COL28A1: variants seen among roughly 807,000 people sequenced by gnomAD.
COL28A1 encodes the protein collagen type XXVIII alpha 1 chain, also known as collagen alpha-1(XXVIII) chain.
COL28A1 carries 161 observed loss-of-function variants against 150.2 expected under a neutral mutation model. That is an observed-to-expected ratio of 1.07 (90% CI 0.94 to 1.22). The LOEUF (loss-of-function observed/expected upper bound fraction) is 1.22, where lower values mean the gene tolerates loss of function less well. Ranked by LOEUF, COL28A1 falls within the 50% of genes most tolerant of loss-of-function variation. COL28A1 has a pLI of 0.00. For synonymous variants in COL28A1, 552 were observed against 469.7 expected, an observed-to-expected ratio of 1.18 and a Z score of -2.26; for missense variants, 1,617 against 1,388.3, an observed-to-expected ratio of 1.16 and a Z score of -2.62.
chr7:7,353,474 G>T (rs1465493774), downstream of COL28A1, among the ~76,000 whole-genome samples: 1 of 151,614 alleles, frequency 6.6e-6, no homozygotes, highest in Non-Finnish European at 1.5e-5. Flanking sequence ...TTACAGAAAT[G>T]TATAAATACT....
intron 6 of COL28A1, 114 bp from the exon 7 acceptor site, chr7:7,517,951 G>T: frequency 2.3e-5 from 26 of 1,117,764 alleles, no homozygotes; most frequent in East Asian, 1.2e-4. Context: ...AACATCTTTA[G>T]TCTTTCCCGT....
chr7:7,504,914 T>C (rs1562856286), intron 11 of COL28A1, among the ~76,000 whole-genome samples: 1 of 152,202 alleles, frequency 6.6e-6, no homozygotes, highest in Non-Finnish European at 1.5e-5. Flanking sequence ...AATATATATT[T>C]TTTTCTTACT....
intron 27 of COL28A1, among the ~76,000 whole-genome samples, chr7:7,416,176 G>C (rs1398188692): frequency 6.6e-6 from 1 of 152,184 alleles, no homozygotes; most frequent in African/African-American, 2.4e-5. Flanking sequence ...CTAAGTGAAG[G>C]AAAAGCTTAT....
chr7:7,492,063 A>G (rs1161219451), intron 11 of COL28A1, among the ~76,000 whole-genome samples: 1 of 152,206 alleles, frequency 6.6e-6, no homozygotes, highest in Non-Finnish European at 1.5e-5. Flanking sequence ...TGCTATTAAA[A>G]ATTTCATTCA....
chr7:7,445,568 T>A (rs1322368297), intron 18 of COL28A1, among the ~76,000 whole-genome samples: 1 of 152,190 alleles, frequency 6.6e-6, no homozygotes, highest in Non-Finnish European at 1.5e-5. Context: ...TAACAACACT[T>A]CCAGCTCTAA....
At chr7:7,475,193 C>T (rs1437735030) in intron 14 of COL28A1, among the ~76,000 whole-genome samples, 1 of 152,126 alleles carries the variant, frequency 6.6e-6, no homozygotes, top group Non-Finnish European at 1.5e-5. Flanking sequence ...CCTACAGTTA[C>T]ATGACGTAAG....
At chr7:7,530,583 G>C (rs531278029) in intron 3 of COL28A1, among the ~76,000 whole-genome samples, 2 of 152,234 alleles carry the variant, frequency 1.3e-5, no homozygotes, top group Admixed American at 1.3e-4. Context: ...TTTATCTCTA[G>C]GCGTTTTCTC....
chr7:7,381,715 T>A (rs1388841444), intron 27 of COL28A1, 103 bp from the exon 28 acceptor site: 1 of 732,334 alleles, frequency 1.4e-6, no homozygotes, highest in African/African-American at 1.8e-5. Context: ...CATTATAGTA[T>A]TATCTAAATA....
intron 31 of COL28A1, 89 bp downstream of exon 31, chr7:7,375,372 T>C (rs960306008): frequency 4.9e-6 from 6 of 1,213,590 alleles, no homozygotes; most frequent in African/African-American, 4.6e-5. Flanking sequence ...CTATATAATA[T>C]ACATCTGGAC....
intron 13 of COL28A1, among the ~76,000 whole-genome samples, chr7:7,480,917 T>C (rs571486619): frequency 6.6e-6 from 1 of 152,316 alleles, no homozygotes; most frequent in Admixed American, 6.5e-5. Flanking sequence ...CTCAAAATGG[T>C]TGATAATAAT....
the COL28A1 span, among the ~76,000 whole-genome samples, chr7:7,344,546 T>C: frequency 6.6e-6 from 1 of 152,168 alleles, no homozygotes; most frequent in Non-Finnish European, 1.5e-5. Context: ...TCCACTTTCT[T>C]TGTGCTATTT....
At position 7,371,711 on chromosome 7, in the gene COL28A1, A is replaced by T. The variant is rs114319142; in HGVS notation, c.2909-829T>A. ...AAGTCATACTGACCATAATTTAATC[A>T]TAGCTTAAATTAGATCAATGTCCTA... On this transcript the variant is annotated intron_variant, in intron 32 of 34. Coordinates refer to ENST00000399429, the MANE Select transcript of COL28A1 (RefSeq NM_001037763.3). Among the ~76,000 whole-genome samples, 646 of 152,374 alleles carry T rather than the reference A, an allele frequency of 4.2e-3. 5 individuals carry two copies. Among genetic ancestry groups the T allele is most frequent in the African/African-American group, 0.015 (623 of 41,592 alleles).
At chr7:7,435,056 A>G (rs1434410840) in intron 23 of COL28A1, among the ~76,000 whole-genome samples, 1 of 152,218 alleles carries the variant, frequency 6.6e-6, no homozygotes. Context: ...AAAGAGTATC[A>G]TTAGAGTCCA....
intron 27 of COL28A1, among the ~76,000 whole-genome samples, chr7:7,393,188 T>G (rs1341136948): frequency 6.6e-6 from 1 of 152,246 alleles, no homozygotes; most frequent in African/African-American, 2.4e-5. Context: ...ACTTTCTGTT[T>G]GTTAGTTTTC....
intron 26 of COL28A1, 139 bp downstream of exon 26, chr7:7,419,746 T>G: frequency 2.2e-6 from 1 of 453,986 alleles, no homozygotes. Context: ...TCACCTGATA[T>G]GAAAAATAAG....
At chr7:7,434,372 G>T (rs538514691) in intron 23 of COL28A1, among the ~76,000 whole-genome samples, 6 of 152,224 alleles carry the variant, frequency 3.9e-5, no homozygotes, top group Non-Finnish European at 8.8e-5. Context: ...TTACATTTAA[G>T]GATGAAGCTC....
intron 4 of COL28A1, among the ~76,000 whole-genome samples, chr7:7,522,516 C>A (rs1415370013): frequency 1.3e-5 from 2 of 152,060 alleles, no homozygotes; most frequent in African/African-American, 2.4e-5. Flanking sequence ...AGCTGTTGAC[C>A]AGGTTCAGTC....
At chr7:7,375,344 T>C in intron 31 of COL28A1, 117 bp downstream of exon 31, 1 of 959,556 alleles carries the variant, frequency 1.0e-6, no homozygotes, top group South Asian at 3.4e-5. Context: ...TCAAATGAGC[T>C]TCACATTTTC....
intron 3 of COL28A1, among the ~76,000 whole-genome samples, chr7:7,530,367 A>G (rs191370947): frequency 1.1e-3 from 166 of 152,342 alleles, no homozygotes; most frequent in African/African-American, 3.9e-3. Flanking sequence ...AAAAGATAAG[A>G]GTAATGTTGA....
Sources: gnomAD v4.1 joint callset for allele counts (sites outside exome capture counted in the v4.1 genomes callset) on GRCh38, gnomAD v4.1.1 for gene constraint, MANE v1.5 for transcripts, NCBI Gene and HGNC (gene_info 2026-07-23, HGNC 2026-07-21) for gene names.